The following TMEM131L variants were observed in gnomAD, a reference collection of about 807,000 sequenced individuals.
The protein encoded by TMEM131L is transmembrane 131 like.
In TMEM131L, 54 loss-of-function variants were observed where a neutral mutation model predicts 192.2. The ratio of observed to expected loss-of-function variants is 0.28; its 90% CI spans 0.23 to 0.35. The LOEUF (loss-of-function observed/expected upper bound fraction) is 0.35. Ranked by LOEUF, TMEM131L falls within the 10% of genes least tolerant of loss-of-function variation. The probability of loss-of-function intolerance (pLI) is 1.00; values close to 1 mark genes in which losing one functional copy is unlikely to be tolerated. For missense variants in TMEM131L, 1,888 were observed against 1,972.9 expected (o/e 0.96, Z 0.82); for synonymous variants, 701 against 704.9 (o/e 0.99, Z 0.09).
At position 153,490,922 on chromosome 4, in the gene TMEM131L, C is replaced by T. The variant is rs184553204; in HGVS notation, c.239+17034C>T. 7.5e-3 allele frequency among the ~76,000 whole-genome samples: 1,100 copies of T among 146,244 alleles called. 12 individuals carry two copies. Among genetic ancestry groups the T allele is most frequent in the Non-Finnish European group, 0.012 (773 of 67,100 alleles). ...TGAGCCGAGATCACGCCACTGCACT[C>T]CAGCCTGGGCGATAGAGTGAGACTC... On this transcript the variant is annotated intron_variant, in intron 3 of 34. Transcript: ENST00000409959.
At chr4:153,581,373 T>A in intron 8 of TMEM131L, 34 bp from the exon 9 acceptor site, 1 of 1,472,674 alleles carries the variant, frequency 6.8e-7, no homozygotes, top group Non-Finnish European at 9.0e-7. Context: ...AGATGATTTT[T>A]TTTTTCCTTT....
At chr4:153,505,113 T>C (rs11730982) in intron 3 of TMEM131L, among the ~76,000 whole-genome samples, 20 of 150,924 alleles carry the variant, frequency 1.3e-4, no homozygotes, top group South Asian at 4.2e-4. Context: ...TTCTTTCTTT[T>C]TTTTTTTTTT....
chr4:153,494,362 C>A (rs1470888257), intron 3 of TMEM131L, among the ~76,000 whole-genome samples: 1 of 152,112 alleles, frequency 6.6e-6, no homozygotes, highest in African/African-American at 2.4e-5. Flanking sequence ...AATAGTACAT[C>A]CATATGGATA....
chr4:153,478,185 C>T (rs1321577270), intron 3 of TMEM131L, among the ~76,000 whole-genome samples: 3 of 152,094 alleles, frequency 2.0e-5, no homozygotes, highest in Non-Finnish European at 4.4e-5. Flanking sequence ...AAGAAATGAT[C>T]ATGATGTGGG....
At chr4:153,625,370 C>A (rs1733762542) in intron 29 of TMEM131L, among the ~76,000 whole-genome samples, 2 of 151,344 alleles carry the variant, frequency 1.3e-5, no homozygotes, top group African/African-American at 4.9e-5. Flanking sequence ...GCCTGGGTGA[C>A]AAAGCGAGAC....
intron 3 of TMEM131L, among the ~76,000 whole-genome samples, chr4:153,487,744 C>T (rs1253829025): frequency 6.8e-6 from 1 of 147,266 alleles, no homozygotes; most frequent in Admixed American, 6.8e-5. Context: ...GAGAGACACC[C>T]TCGTGGGCCT....
rs1256176959 is a variant in TMEM131L, at chr4:153,579,696, A to G, written c.661-1130A>G. Among the ~76,000 whole-genome samples, 4 of 151,552 alleles carry G rather than the reference A, an allele frequency of 2.6e-5. No homozygotes were observed. In the East Asian group the frequency reaches 7.8e-4, roughly 29 times the overall value. ...TGCCATGTCTCCTAGCTGGTCTGCAACTCCTGGGCTCCAGTGATCCACTGC... is the reference window on the plus strand; with the variant it reads ...TGCCATGTCTCCTAGCTGGTCTGCAGCTCCTGGGCTCCAGTGATCCACTGC... On this transcript the variant is annotated intron_variant, in intron 7 of 34. Transcript: ENST00000409959.
At chr4:153,614,236 C>T (rs1366045914) in intron 26 of TMEM131L, among the ~76,000 whole-genome samples, 1 of 152,194 alleles carries the variant, frequency 6.6e-6, no homozygotes, top group African/African-American at 2.4e-5. Context: ...GGGTCAGAGT[C>T]CTCCTAGGTC....
intron 3 of TMEM131L, among the ~76,000 whole-genome samples, chr4:153,520,279 A>T (rs1735017167): frequency 6.6e-6 from 1 of 151,916 alleles, no homozygotes; most frequent in Non-Finnish European, 1.5e-5. Flanking sequence ...ACATAGGGAG[A>T]CCCCACCTCT....
At chr4:153,467,472 C>T (rs1730845871) in intron 2 of TMEM131L, among the ~76,000 whole-genome samples, 191 bp downstream of exon 2, 1 of 152,244 alleles carries the variant, frequency 6.6e-6, no homozygotes, top group Admixed American at 6.5e-5. Flanking sequence ...CGCCATGTGA[C>T]AGGGCCTGAG....
intron 10 of TMEM131L, 67 bp from the exon 11 acceptor site, chr4:153,583,497 T>TTCATTCA: frequency 9.3e-7 from 1 of 1,077,338 alleles, no homozygotes; most frequent in Non-Finnish European, 1.4e-6. Context: ...ATTCTAACGG[T>TTCATTCA]TCATTCAAAC....
chr4:153,602,015 G>A (rs1054730190), intron 21 of TMEM131L, 137 bp from the exon 22 acceptor site: 1 of 530,082 alleles, frequency 1.9e-6, no homozygotes, highest in Non-Finnish European at 3.2e-6. Flanking sequence ...CATTCTTTGA[G>A]CTTATGTTGG....
At chr4:153,585,359 C>T (rs116968578) in intron 12 of TMEM131L, 99 bp from the exon 13 acceptor site, 39 of 1,172,068 alleles carry the variant, frequency 3.3e-5, no homozygotes, top group East Asian at 2.7e-4. Context: ...CATTTAGTAA[C>T]GTTTTATGAT....
chr4:153,476,720 A>T (rs553036033), intron 3 of TMEM131L, among the ~76,000 whole-genome samples: 55 of 152,186 alleles, frequency 3.6e-4, no homozygotes, highest in African/African-American at 1.1e-3. Flanking sequence ...ACAAAACAAA[A>T]CCAAAAATTC....
At chr4:153,568,536 T>A (rs886707174) in intron 7 of TMEM131L, among the ~76,000 whole-genome samples, 1 of 152,228 alleles carries the variant, frequency 6.6e-6, no homozygotes, top group Admixed American at 6.5e-5. Flanking sequence ...TTTTTATGAA[T>A]TTTTCTGTAC....
rs768014082 is a variant in TMEM131L at position 153,581,475 on chromosome 4, T to C, written c.807T>C (p.Phe269=). 29 of 1,601,376 alleles carry C rather than the reference T, an allele frequency of 1.8e-5. No homozygotes were observed. The highest frequency in any genetic ancestry group is 1.7e-4 in the Middle Eastern group (1 of 6,016). Residue 269 remains phenylalanine (F), a synonymous_variant, in exon 9 of 35, where the codon TTT becomes TTC. Coordinates refer to ENST00000409959, the MANE Select transcript of TMEM131L (RefSeq NM_001131007.2). ...QMSIMVTMEN[F]SKEFEENTQH... ...GCATAATGGTAACAATGGAAAACTT[T>C]TCAAAAGAATTTGAAGAAAACACAC... is the stretch of plus-strand genomic sequence containing the variant.
At chr4:153,519,567 G>A (rs2150135196) in intron 3 of TMEM131L, among the ~76,000 whole-genome samples, 1 of 152,328 alleles carries the variant, frequency 6.6e-6, no homozygotes, top group Non-Finnish European at 1.5e-5. Context: ...ATAGAATGTG[G>A]AGAATGACCA....
chr4:153,494,080 C>T (rs1313118661), intron 3 of TMEM131L, among the ~76,000 whole-genome samples: 1 of 151,820 alleles, frequency 6.6e-6, no homozygotes, highest in African/African-American at 2.4e-5. Context: ...TGTGGCTTTC[C>T]AGCTATGTGA....
intron 27 of TMEM131L, among the ~76,000 whole-genome samples, chr4:153,621,353 TAGGTTCTTACAGCTGCAGGAAGTG>T (rs1293078714): frequency 5.3e-5 from 8 of 152,098 alleles, no homozygotes; most frequent in Non-Finnish European, 1.2e-4. Context: ...CTGCAGAAGG[TAGGTTCTTACAGCTGCAGGAAGTG>T]AGGTACCCAG....
Sources: allele counts gnomAD v4.1 joint callset (sites outside exome capture counted in the v4.1 genomes callset), GRCh38; gene constraint gnomAD v4.1.1; transcripts MANE v1.5; gene names NCBI Gene and HGNC (gene_info 2026-07-23, HGNC 2026-07-21).